ULK4: variants seen among roughly 807,000 people sequenced by gnomAD.
ULK4 encodes the protein inactive serine/threonine-protein kinase ULK4.
In ULK4, 133 loss-of-function variants were observed where a neutral mutation model predicts 160.6. That is an observed-to-expected ratio of 0.83 (90% CI 0.72 to 0.96). The LOEUF (loss-of-function observed/expected upper bound fraction) is 0.96, where lower values mean the gene tolerates loss of function less well. Ranked by LOEUF, ULK4 falls within the 40% of genes least tolerant of loss-of-function variation. The pLI is 0.00. For synonymous variants in ULK4, 534 were observed against 539.8 expected (o/e 0.99, Z 0.15); for missense variants, 1,580 against 1,499.5 (o/e 1.05, Z -0.89).
chr3:41,953,304 A>ATATATATATT (rs1181182812), intron 2 of ULK4, among the ~76,000 whole-genome samples: 38 of 124,782 alleles, frequency 3.0e-4, no homozygotes, highest in African/African-American at 1.1e-3. Context: ...ATATATATAT[A>ATATATATATT]TTTTTTTTTT....
chr3:41,345,942 G>T (rs1180587475), intron 35 of ULK4, among the ~76,000 whole-genome samples: 1 of 152,042 alleles, frequency 6.6e-6, no homozygotes, highest in Admixed American at 6.5e-5. Flanking sequence ...GAGGACAGGG[G>T]CTGGTGTTGG....
chr3:41,690,255 C>T (rs911767749), intron 27 of ULK4, among the ~76,000 whole-genome samples: 3 of 150,736 alleles, frequency 2.0e-5, no homozygotes, highest in African/African-American at 7.3e-5. Flanking sequence ...AACACATGGA[C>T]ACAGGAAGGG....
rs1346487072 is a variant in ULK4 at position 41,365,610 on chromosome 3, T to C, written c.3678+32469A>G. Among the ~76,000 whole-genome samples, 3 of 152,230 alleles carry C rather than the reference T, an allele frequency of 2.0e-5. No homozygotes were observed. In the East Asian group the frequency reaches 5.8e-4, roughly 29 times the overall value. ...AACAATTTTATGGTAGAAATATCAT[T>C]ATGTCTAGTTTTTTATGATAGAAAA... On this transcript the variant is annotated intron_variant, in intron 35 of 36. Coordinates refer to ENST00000301831, the MANE Select transcript of ULK4 (RefSeq NM_017886.4).
intron 27 of ULK4, among the ~76,000 whole-genome samples, chr3:41,700,100 T>C (rs79944558): frequency 0.026 from 3,916 of 152,292 alleles, 121 homozygotes; most frequent in Non-Finnish European, 0.032. Context: ...TTCCTAGTTA[T>C]AGTGGGTACT....
intron 30 of ULK4, among the ~76,000 whole-genome samples, chr3:41,646,259 C>T (rs4254632): frequency 0.043 from 6,605 of 152,152 alleles, 186 homozygotes; most frequent in African/African-American, 0.066. Context: ...TTATTTTGCT[C>T]GTTAGTTGAT....
At chr3:41,954,359 G>A (rs202085130) in intron 2 of ULK4, among the ~76,000 whole-genome samples, 13 of 148,022 alleles carry the variant, frequency 8.8e-5, no homozygotes, top group Non-Finnish European at 1.3e-4. Context: ...CTAAGGGAAA[G>A]AAAAAAAAAG....
chr3:41,699,761 T>C (rs1212188312), intron 27 of ULK4, among the ~76,000 whole-genome samples: 2 of 152,210 alleles, frequency 1.3e-5, no homozygotes, highest in Non-Finnish European at 2.9e-5. Flanking sequence ...TTCATCTTCA[T>C]GTATTCCAGT....
Position 41,909,183 on chromosome 3 carries a change from CAGTGT to C in ULK4, c.1086-1247_1086-1243del, listed in dbSNP as rs1429650325. 4.0e-5 allele frequency among the ~76,000 whole-genome samples: 6 copies of C among 151,010 alleles called. No individual in the cohort carries two copies. In the South Asian group the frequency reaches 1.3e-3, roughly 32 times the overall value. The stretch of plus-strand genomic sequence containing the variant: ...GGCTGAGGCAGAAGAATAGCTTAAA[CAGTGT>C]AGGTGAAGGTTGCAGTGAGCAAAGA... On this transcript the variant is annotated intron_variant, in intron 11 of 36. Transcript: ENST00000301831.
intron 3 of ULK4, among the ~76,000 whole-genome samples, chr3:41,936,742 C>T (rs1699786598): frequency 2.0e-5 from 3 of 151,920 alleles, no homozygotes; most frequent in African/African-American, 7.3e-5. Flanking sequence ...AGATAGAGAA[C>T]AGAAGAATGG....
intron 2 of ULK4, among the ~76,000 whole-genome samples, chr3:41,944,577 C>T (rs1478692972): frequency 1.3e-5 from 2 of 152,112 alleles, no homozygotes; most frequent in South Asian, 2.1e-4. Context: ...ATGGCCTCTA[C>T]CTTCTCCCAC....
At chr3:41,908,034 G>T in intron 11 of ULK4, 93 bp from the exon 12 acceptor site, 2 of 813,762 alleles carry the variant, frequency 2.5e-6, no homozygotes, top group Non-Finnish European at 3.5e-6. Context: ...CATGAAAAAT[G>T]GTAGAGTATG....
intron 2 of ULK4, 43 bp downstream of exon 2, chr3:41,954,579 T>C (rs770223792): frequency 1.3e-6 from 2 of 1,585,352 alleles, no homozygotes; most frequent in African/African-American, 1.4e-5. Context: ...CTACCTATTG[T>C]AGCTCTCTCT....
At chr3:41,264,431 G>A (rs1012876046) in intron 35 of ULK4, among the ~76,000 whole-genome samples, 1 of 152,260 alleles carries the variant, frequency 6.6e-6, no homozygotes, top group Admixed American at 6.5e-5. Flanking sequence ...GGCAGAAGCA[G>A]TGCCTTGGTG....
chr3:41,596,546 G>A (rs1299003224), intron 31 of ULK4, among the ~76,000 whole-genome samples: 1 of 152,160 alleles, frequency 6.6e-6, no homozygotes, highest in Non-Finnish European at 1.5e-5. Context: ...TAATGGCTGG[G>A]TCAATGGTCT....
chr3:41,923,862 G>C (rs1315192868), intron 5 of ULK4, among the ~76,000 whole-genome samples: 2 of 152,140 alleles, frequency 1.3e-5, no homozygotes, highest in Non-Finnish European at 2.9e-5. Context: ...GGCCAAAACT[G>C]AGCGTAGTTT....
rs1575628214 is a variant in ULK4 at position 41,736,916 on chromosome 3, G to A, written c.2321+17445C>T. On this transcript the variant is annotated intron_variant, in intron 22 of 36. Transcript: ENST00000301831. ...AGTTTCAGCTTTCTACATATGGCTAGCCAGTTTTCCCAGCACCATTTATTA... is the reference window on the plus strand; with the variant it reads ...AGTTTCAGCTTTCTACATATGGCTAACCAGTTTTCCCAGCACCATTTATTA... Among the ~76,000 whole-genome samples, 6 of 151,838 alleles carry A rather than the reference G, an allele frequency of 4.0e-5. No homozygotes were observed. The South Asian group carries it at 1.2e-3, about 32-fold the overall frequency.
At position 41,777,934 on chromosome 3, in the gene ULK4, G is replaced by A. The variant is rs1436401810; in HGVS notation, c.2193+11727C>T. ...TTGAAAACTGGCACAAGACAGGGAT[G>A]CCCTCTCTCACCACTCCTATTCAAC... On this transcript the variant is annotated intron_variant, in intron 21 of 36. Transcript: ENST00000301831. 2.1e-5 allele frequency among the ~76,000 whole-genome samples: 3 copies of A among 140,360 alleles called. 1 individual carries two copies. The highest frequency in any genetic ancestry group is 4.6e-5 in the Non-Finnish European group (3 of 64,628). The allele number at this position is 140,360 out of a possible 152,430, so 92.1% of individuals were successfully genotyped here.
intron 31 of ULK4, among the ~76,000 whole-genome samples, chr3:41,571,980 T>C (rs2087992889): frequency 6.6e-6 from 1 of 152,196 alleles, no homozygotes; most frequent in Admixed American, 6.5e-5. Context: ...AAGACAGCAC[T>C]GATAACGTAT....
At chr3:41,751,555 G>A (rs1209824661) in intron 22 of ULK4, among the ~76,000 whole-genome samples, 2 of 152,128 alleles carry the variant, frequency 1.3e-5, no homozygotes, top group Admixed American at 6.5e-5. Context: ...AGTGTCAGGG[G>A]CATGCCTTCA....
Sources: allele counts gnomAD v4.1 joint callset (sites outside exome capture counted in the v4.1 genomes callset), GRCh38; gene constraint gnomAD v4.1.1; transcripts MANE v1.5; gene names NCBI Gene and HGNC (gene_info 2026-07-23, HGNC 2026-07-21).